HBP1: variants seen among roughly 807,000 people sequenced by gnomAD.
The protein encoded by HBP1 is HMG box-containing protein 1.
HBP1 carries 20 observed loss-of-function variants against 62.6 expected under a neutral mutation model. That is an observed-to-expected ratio of 0.32 (90% CI 0.22 to 0.46). The LOEUF is 0.46. Ranked by LOEUF, HBP1 falls within the 20% of genes least tolerant of loss-of-function variation. The pLI, the probability that HBP1 is intolerant of heterozygous loss-of-function variation, is 1.00. For missense variants in HBP1, 480 were observed against 611.8 expected, an observed-to-expected ratio of 0.78 and a Z score of 2.27; for synonymous variants, 232 against 206.2, an observed-to-expected ratio of 1.12 and a Z score of -1.07.
At chr7:107,172,035 T>C in intron 1 of HBP1, among the ~76,000 whole-genome samples, 1 of 152,078 alleles carries the variant, frequency 6.6e-6, no homozygotes. Context: ...ATATTCTTAT[T>C]AATTGCCTGA....
chr7:107,198,436 C>T (rs1798035200), intron 9 of HBP1, among the ~76,000 whole-genome samples: 1 of 152,120 alleles, frequency 6.6e-6, no homozygotes, highest in African/African-American at 2.4e-5. Flanking sequence ...TCTCGAACTC[C>T]TGATCTCAGG....
At chr7:107,187,138 A>G (rs976346408) in intron 6 of HBP1, among the ~76,000 whole-genome samples, 75 of 152,236 alleles carry the variant, frequency 4.9e-4, no homozygotes, top group African/African-American at 1.5e-3. Flanking sequence ...CTGTAGTCCC[A>G]ACTACTTGGG....
intron 1 of HBP1, among the ~76,000 whole-genome samples, chr7:107,175,587 A>G (rs1405499492): frequency 2.6e-5 from 4 of 152,128 alleles, no homozygotes; most frequent in Admixed American, 6.6e-5. Flanking sequence ...AGTGTTCATG[A>G]TCACATGACA....
At chr7:107,174,675 C>A (rs766776856) in intron 1 of HBP1, 4 of 984,292 alleles carry the variant, frequency 4.1e-6, no homozygotes, top group Non-Finnish European at 4.8e-6. Flanking sequence ...AAGAACAGCA[C>A]TGTTCATACA....
chr7:107,179,652 AT>A (rs1797016996), intron 1 of HBP1: 1 of 260,678 alleles, frequency 3.8e-6, no homozygotes, highest in South Asian at 1.0e-4. Context: ...TGTGCCTGTA[AT>A]CCCCCCTACT....
rs1483203480 is a variant in HBP1, at chr7:107,202,298, C to T, written c.*867C>T. 6.6e-6 allele frequency: 1 copy of T among 152,606 alleles called. No individual in the cohort carries two copies. The highest frequency in any genetic ancestry group is 6.5e-5 in the Admixed American group (1 of 15,286). 9.5% of individuals were successfully genotyped at this position (152,606 alleles called of 1,614,324 possible). A position where few individuals can be genotyped will look rare whatever the true frequency, so the allele number is the denominator to read the frequency against. On this transcript the variant is annotated 3_prime_UTR_variant, in exon 11 of 11. Transcript: ENST00000222574. ...AGTGCAACACTTGCACTTTAATTTT[C>T]CTCCAACTGTCTAAAATTAGAGCAA...
intron 8 of HBP1, among the ~76,000 whole-genome samples, chr7:107,191,762 A>G (rs1436441407): frequency 2.6e-5 from 4 of 152,176 alleles, no homozygotes; most frequent in African/African-American, 9.7e-5. Flanking sequence ...TATTTTATGG[A>G]ATCATGTTCC....
At chr7:107,180,965 A>G (rs771984751) in intron 2 of HBP1, among the ~76,000 whole-genome samples, 6 of 152,184 alleles carry the variant, frequency 3.9e-5, no homozygotes, top group African/African-American at 1.4e-4. Flanking sequence ...ACTTCGTTTA[A>G]AAAGTAATTT....
At chr7:107,192,943 G>A (rs1409000420) in intron 8 of HBP1, 2 of 152,288 alleles carry the variant, frequency 1.3e-5, no homozygotes, top group Admixed American at 6.5e-5. Flanking sequence ...GGCAAGAAGA[G>A]AAAGAGGTAA....
rs190841058 is a variant in HBP1, at chr7:107,196,176, A to G, written c.1385+25A>G. 9.1e-5 allele frequency: 115 copies of G among 1,259,282 alleles called. 1 individual carries two copies. The highest frequency in any genetic ancestry group is 5.1e-4 in the Admixed American group (30 of 59,210). The allele number at this position is 1,259,282 out of a possible 1,614,324, so 78.0% of individuals were successfully genotyped here. On this transcript the variant is annotated intron_variant, in intron 9 of 10. Transcript: ENST00000222574. ...GGTAAAAATAGTGATAATTCTGATT[A>G]CAATAAATGAGTAACACTTCAATAC...
chr7:107,170,773 C>T (rs1796516462), intron 1 of HBP1, among the ~76,000 whole-genome samples: 1 of 150,672 alleles, frequency 6.6e-6, no homozygotes, highest in Admixed American at 6.6e-5. Flanking sequence ...TCTCAAACTC[C>T]TAACTACATA....
At position 107,196,031 on chromosome 7, in the gene HBP1, G is replaced by T; in HGVS notation, c.1265G>T (p.Ser422Ile). Residue 422 changes from serine (S) to isoleucine (I), a missense_variant, in exon 9 of 11, where the codon AGC becomes ATC. By Grantham distance (142) the Ser-to-Ile change is moderately radical. This residue lies in a region of HBP1 where 66 missense variants were observed against 56.4 expected (regional missense o/e 1.17). Coordinates refer to ENST00000222574, the MANE Select transcript of HBP1 (RefSeq NM_012257.4). ...SLYAKAVKNH[S>I]SGTVSATSPN... Reference sequence around the variant, plus strand: ...TATGCTAAAGCTGTCAAAAACCACAGCTCAGGGACTGTGAGTGCCACTTCT... The same window carrying T: ...TATGCTAAAGCTGTCAAAAACCACATCTCAGGGACTGTGAGTGCCACTTCT... The T allele has an allele frequency of 6.2e-7, 1 of 1,613,940 alleles. No individual in the cohort carries two copies. The highest frequency in any genetic ancestry group is 8.5e-7 in the Non-Finnish European group (1 of 1,179,850).
chr7:107,171,224 C>T (rs1254421105), intron 1 of HBP1, among the ~76,000 whole-genome samples: 2 of 150,594 alleles, frequency 1.3e-5, no homozygotes, highest in Non-Finnish European at 3.0e-5. Flanking sequence ...TGAGCGCCAC[C>T]ACTCTCAACT....
Position 107,190,164 on chromosome 7 carries a change from T to C in HBP1, c.923-9T>C. 2 of 1,598,422 alleles carry C rather than the reference T, an allele frequency of 1.3e-6. No homozygotes were observed. The highest frequency in any genetic ancestry group is 1.7e-6 in the Non-Finnish European group (2 of 1,172,104). ...TCCTCATCCTTTATGCAACATTGTT[T>C]AACTTTAGGTTGGTCATCATTTTAT... On this transcript the variant is annotated splice_polypyrimidine_tract_variant and intron_variant, in intron 7 of 10. Coordinates refer to ENST00000222574, the MANE Select transcript of HBP1 (RefSeq NM_012257.4).
Position 107,197,995 on chromosome 7 carries a change from T to C in HBP1, c.1385+1844T>C, listed in dbSNP as rs144836722. On this transcript the variant is annotated intron_variant, in intron 9 of 10. Coordinates refer to ENST00000222574, the MANE Select transcript of HBP1 (RefSeq NM_012257.4). The stretch of plus-strand genomic sequence containing the variant: ...GGTATTTAATTATTAAACATATCCT[T>C]TGACATCTAGAAACAGGATTCACGT... Among the ~76,000 whole-genome samples, 322 of 152,288 alleles carry C rather than the reference T, an allele frequency of 2.1e-3. 2 individuals are homozygous for C. The highest frequency in any genetic ancestry group is 7.2e-3 in the African/African-American group (300 of 41,540).
intron 1 of HBP1, among the ~76,000 whole-genome samples, chr7:107,171,232 A>T (rs1284135367): frequency 6.7e-6 from 1 of 150,286 alleles, no homozygotes. Context: ...ACCACTCTCA[A>T]CTAATTTTTT....
chr7:107,174,349 A>G (rs929677605), intron 1 of HBP1: 1 of 503,774 alleles, frequency 2.0e-6, no homozygotes, highest in Non-Finnish European at 2.6e-6. Flanking sequence ...GTGAACACAT[A>G]GAACTTATAT....
chr7:107,194,519 A>G (rs1797793704), intron 8 of HBP1, among the ~76,000 whole-genome samples: 1 of 152,206 alleles, frequency 6.6e-6, no homozygotes, highest in South Asian at 2.1e-4. Flanking sequence ...ATTTCATGCA[A>G]TACTTTCAGA....
At chr7:107,170,038 G>A (rs1048421131) in intron 1 of HBP1, 96 of 985,270 alleles carry the variant, frequency 9.7e-5, no homozygotes, top group Non-Finnish European at 1.1e-4. Flanking sequence ...TGCTGTCTAG[G>A]GTGTTTCACT....
Sources: allele counts gnomAD v4.1 joint callset (sites outside exome capture counted in the v4.1 genomes callset), GRCh38; gene constraint gnomAD v4.1.1; regional missense constraint gnomAD v4.1.1; transcripts MANE v1.5; gene names NCBI Gene and HGNC (gene_info 2026-07-23, HGNC 2026-07-21).